MAPK14: variants seen among roughly 807,000 people sequenced by gnomAD.
The protein encoded by MAPK14 is CSAID-binding protein.
Under a neutral mutation model 49.6 loss-of-function variants are expected in MAPK14, and 16 were observed. The observed-to-expected ratio is 0.32, with a 90% CI of 0.22 to 0.49. MAPK14 has a LOEUF of 0.49. Among genes scored for constraint, MAPK14 ranks in the 20% least tolerant of loss-of-function variants. The pLI is 0.99. For synonymous variants in MAPK14, 142 were observed against 158.0 expected, an observed-to-expected ratio of 0.90 and a Z score of 0.76; for missense variants, 200 against 441.2, an observed-to-expected ratio of 0.45 and a Z score of 4.90.
Position 36,107,404 on chromosome 6 carries a change from T to G in MAPK14, c.842-51T>G. ...CTATGTTTGCTCAATAAGGCATACT[T>G]TTTTGTAACATGTTAAAAACTCTTT... On this transcript the variant is annotated intron_variant, in intron 10 of 11. Coordinates refer to ENST00000229794, the MANE Select transcript of MAPK14 (RefSeq NM_139012.3). This position sits in a 1 kb window ranked among gnomAD's most constrained non-coding sequence, Gnocchi z 4.3. 1 of 1,376,606 alleles carries G rather than the reference T, an allele frequency of 7.3e-7. No homozygotes were observed. Among genetic ancestry groups the G allele is most frequent in the Non-Finnish European group, 9.8e-7 (1 of 1,023,440 alleles). 85.3% of individuals were successfully genotyped at this position (1,376,606 alleles called of 1,614,324 possible). A position where few individuals can be genotyped will look rare whatever the true frequency, so the allele number is the denominator to read the frequency against.
intron 8 of MAPK14, among the ~76,000 whole-genome samples, chr6:36,094,456 C>T (rs898266097): frequency 2.6e-5 from 4 of 152,142 alleles, no homozygotes; most frequent in African/African-American, 9.7e-5. Context: ...ACAGGCAGAG[C>T]CTGGGGTTTG....
Position 36,102,605 on chromosome 6 carries a change from C to T in MAPK14, c.797C>T (p.Pro266Leu), listed in dbSNP as rs867617022. 1.2e-6 allele frequency: 2 copies of T among 1,613,762 alleles called. No individual in the cohort carries two copies. The highest frequency in any genetic ancestry group is 1.7e-6 in the Non-Finnish European group (2 of 1,179,838). Residue 266 changes from proline to leucine, a missense_variant, in exon 10 of 12, where the codon CCG (proline) becomes CTG (leucine). Around this residue, in one of 2 missense-constraint regions of MAPK14, gnomAD observed 170 missense variants for 407.0 expected, o/e 0.42. Coordinates refer to ENST00000229794, the MANE Select transcript of MAPK14 (RefSeq NM_139012.3). ...TATATTCAGTCTTTGACTCAGATGC[C>T]GAAGATGAACTTTGCGAATGTATTT... is the stretch of plus-strand genomic sequence containing the variant. The part of the protein sequence containing the change: ...RNYIQSLTQM[P>L]KMNFANVFIG...
At chr6:36,078,539 C>T (rs1764621228) in intron 8 of MAPK14, among the ~76,000 whole-genome samples, 1 of 152,182 alleles carries the variant, frequency 6.6e-6, no homozygotes, top group South Asian at 2.1e-4. Context: ...CTTTTAAATG[C>T]TAACTTTCTG....
At chr6:36,034,707 G>A (rs1467001715) in intron 1 of MAPK14, among the ~76,000 whole-genome samples, 3 of 152,020 alleles carry the variant, frequency 2.0e-5, no homozygotes, top group Admixed American at 2.0e-4. Flanking sequence ...CTTTCACAGT[G>A]CTTCCATAAA....
chr6:36,124,166 T>TCCTTCCTTCCTG, the MAPK14 span, among the ~76,000 whole-genome samples: 1 of 115,546 alleles, frequency 8.7e-6, no homozygotes, highest in African/African-American at 3.1e-5. Flanking sequence ...CTTCCTTCCT[T>TCCTTCCTTCCTG]CCTTCCTTCC....
chr6:36,033,040 T>C (rs1224797730), intron 1 of MAPK14, among the ~76,000 whole-genome samples: 1 of 152,130 alleles, frequency 6.6e-6, no homozygotes, highest in Non-Finnish European at 1.5e-5. Context: ...TGCATGATTA[T>C]TAAGTATACA....
chr6:36,033,517 A>G (rs758654035), intron 1 of MAPK14, among the ~76,000 whole-genome samples: 8 of 152,106 alleles, frequency 5.3e-5, no homozygotes, highest in African/African-American at 1.9e-4. Flanking sequence ...GGGTTTTACC[A>G]TGTTGGTCAG....
chr6:36,108,717 T>G lies in MAPK14; in HGVS notation c.*270T>G. 2 of 456,154 alleles carry G rather than the reference T, an allele frequency of 4.4e-6. No individual in the cohort carries two copies. The highest frequency in any genetic ancestry group is 5.2e-5 in the South Asian group (2 of 38,714). The allele number at this position is 456,154 out of a possible 1,614,324, so 28.3% of individuals were successfully genotyped here. ...GCAGCCTCCACCTTGCTCTTCTTTC[T>G]GAGAGTTGGCTCAGGCAGACAAGAG... On this transcript the variant is annotated 3_prime_UTR_variant, in exon 12 of 12. Transcript: ENST00000229794.
intron 1 of MAPK14, among the ~76,000 whole-genome samples, chr6:36,034,590 G>A (rs1762664280): frequency 6.6e-6 from 1 of 152,138 alleles, no homozygotes; most frequent in Non-Finnish European, 1.5e-5. Context: ...TCTTCTCATG[G>A]CTGCTATGGA....
At chr6:36,046,871 C>T (rs1465243332) in intron 1 of MAPK14, among the ~76,000 whole-genome samples, 2 of 152,188 alleles carry the variant, frequency 1.3e-5, no homozygotes, top group Non-Finnish European at 2.9e-5. Context: ...CACACTTAAT[C>T]AGTCAGATCA....
intron 9 of MAPK14, 126 bp from the exon 10 acceptor site, chr6:36,102,445 A>G (rs1432220474): frequency 2.9e-6 from 2 of 700,212 alleles, no homozygotes; most frequent in African/African-American, 3.6e-5. Context: ...TATCAAAGAC[A>G]GTTAGAAACA....
the MAPK14 span, among the ~76,000 whole-genome samples, chr6:36,119,340 C>G: frequency 1.6e-3 from 247 of 152,314 alleles, 3 homozygotes; most frequent in East Asian, 0.033. Context: ...GTAGAGCTTT[C>G]ATACATTGGC....
intron 2 of MAPK14, 129 bp from the exon 3 acceptor site, chr6:36,059,160 G>A (rs913458941): frequency 5.4e-6 from 3 of 555,748 alleles, no homozygotes; most frequent in Non-Finnish European, 9.2e-6. Flanking sequence ...AAAGTGTTGG[G>A]ATTACAGGCG....
At chr6:36,072,494 C>T (rs947279793) in intron 3 of MAPK14, among the ~76,000 whole-genome samples, 5 of 151,866 alleles carry the variant, frequency 3.3e-5, no homozygotes, top group Non-Finnish European at 2.9e-5. Context: ...GGGCCAGGTG[C>T]GGTGGCTCAC....
intron 2 of MAPK14, among the ~76,000 whole-genome samples, 199 bp from the exon 3 acceptor site, chr6:36,059,090 A>G (rs1763698743): frequency 6.6e-6 from 1 of 151,972 alleles, no homozygotes; most frequent in South Asian, 2.1e-4. Context: ...GGGTTTTACC[A>G]TGTTGGCCAG....
intron 1 of MAPK14, among the ~76,000 whole-genome samples, chr6:36,035,254 A>G (rs1321145275): frequency 1.3e-5 from 2 of 151,994 alleles, no homozygotes; most frequent in East Asian, 1.9e-4. Context: ...CAATATTTCA[A>G]ACTTTCTCAT....
At position 36,110,958 on chromosome 6, in the gene MAPK14, T is replaced by G. The variant is rs1482845568; in HGVS notation, c.*2511T>G. On this transcript the variant is annotated 3_prime_UTR_variant, in exon 12 of 12. Transcript: ENST00000229794. ...AGAGTATCCAGGTCTTTGCTGTGGATGGGTAAAGCAAAGAGCAAATGAACG... is the reference window on the plus strand; with the variant it reads ...AGAGTATCCAGGTCTTTGCTGTGGAGGGGTAAAGCAAAGAGCAAATGAACG... 1 of 152,156 alleles carries G rather than the reference T, an allele frequency of 6.6e-6. No individual in the cohort carries two copies. Among genetic ancestry groups the G allele is most frequent in the African/African-American group, 2.4e-5 (1 of 41,428 alleles). The allele number at this position is 152,156 out of a possible 1,614,324, so 9.4% of individuals were successfully genotyped here.
At chr6:36,076,098 A>G in intron 7 of MAPK14, 136 bp downstream of exon 7, 1 of 901,772 alleles carries the variant, frequency 1.1e-6, no homozygotes, top group Non-Finnish European at 1.7e-6. Context: ...GCCTGCAAGT[A>G]AAAATATTTC....
At chr6:36,073,924 G>A (rs1764412561) in intron 5 of MAPK14, 125 bp from the exon 6 acceptor site, 1 of 883,366 alleles carries the variant, frequency 1.1e-6, no homozygotes, top group South Asian at 1.5e-5. Flanking sequence ...TTGACTGTAG[G>A]ATGGAGATTG....
Sources: allele counts gnomAD v4.1 joint callset (sites outside exome capture counted in the v4.1 genomes callset), GRCh38; gene constraint gnomAD v4.1.1; regional missense constraint gnomAD v4.1.1; non-coding constraint Gnocchi (gnomAD v3.1); transcripts MANE v1.5; gene names NCBI Gene and HGNC (gene_info 2026-07-23, HGNC 2026-07-21).